Variants in KCNIP1 observed in about 807,000 individuals in gnomAD.
KCNIP1 encodes A-type potassium channel modulatory protein KCNIP1.
In KCNIP1, 18 loss-of-function variants were observed where a neutral mutation model predicts 33.0. The observed-to-expected ratio is 0.55, with a 90% CI of 0.38 to 0.81. The LOEUF (loss-of-function observed/expected upper bound fraction) is 0.81. KCNIP1 is among the 30% of genes least tolerant of loss of function. KCNIP1 has a pLI of 0.00. For missense variants in KCNIP1, 238 were observed against 271.6 expected, an observed-to-expected ratio of 0.88 and a Z score of 0.87; for synonymous variants, 93 against 98.3, an observed-to-expected ratio of 0.95 and a Z score of 0.32.
chr5:170,537,689 C>G (rs1756047049), intron 1 of KCNIP1, among the ~76,000 whole-genome samples: 1 of 152,224 alleles, frequency 6.6e-6, no homozygotes, highest in African/African-American at 2.4e-5. Flanking sequence ...GGCTCCCTCC[C>G]TGAGGGTTAT....
At chr5:170,720,300 G>C (rs202147692) in intron 2 of KCNIP1, 21 bp from the exon 3 acceptor site, 2 of 1,603,124 alleles carry the variant, frequency 1.2e-6, no homozygotes, top group East Asian at 2.2e-5. Flanking sequence ...GCCTCCCGCT[G>C]ACTCTCTCCC....
intron 5 of KCNIP1, among the ~76,000 whole-genome samples, chr5:170,730,000 A>T (rs1764140185): frequency 6.6e-6 from 1 of 152,094 alleles, no homozygotes. Flanking sequence ...AATTACAGTA[A>T]ATACATATAA....
At chr5:170,711,091 C>T (rs1204153540) in intron 1 of KCNIP1, among the ~76,000 whole-genome samples, 1 of 152,214 alleles carries the variant, frequency 6.6e-6, no homozygotes, top group Non-Finnish European at 1.5e-5. Context: ...TATGGCATCT[C>T]TTGAAAAATC....
intron 1 of KCNIP1, among the ~76,000 whole-genome samples, chr5:170,634,008 A>T (rs1451403188): frequency 6.6e-6 from 1 of 152,146 alleles, no homozygotes; most frequent in Non-Finnish European, 1.5e-5. Flanking sequence ...TGGCAGTGCC[A>T]GTGGTGAGAG....
chr5:170,390,475 T>C (rs762026099), intron 1 of KCNIP1, among the ~76,000 whole-genome samples: 162 of 131,074 alleles, frequency 1.2e-3, no homozygotes, highest in Non-Finnish European at 1.1e-3. Context: ...CACTGCACTC[T>C]AGCCTGAACA....
At chr5:170,626,339 A>G (rs1351610274) in intron 1 of KCNIP1, among the ~76,000 whole-genome samples, 2 of 152,172 alleles carry the variant, frequency 1.3e-5, no homozygotes, top group African/African-American at 2.4e-5. Flanking sequence ...GCTGGATTCA[A>G]TCCAGGACTT....
chr5:170,608,234 T>G (rs1313671877), intron 1 of KCNIP1, among the ~76,000 whole-genome samples: 1 of 152,132 alleles, frequency 6.6e-6, no homozygotes, highest in East Asian at 1.9e-4. Context: ...AAAGCAAACC[T>G]TTGCTGCTGA....
intron 1 of KCNIP1, among the ~76,000 whole-genome samples, chr5:170,437,247 T>C (rs1223515646): frequency 1.3e-5 from 2 of 152,166 alleles, no homozygotes; most frequent in East Asian, 1.9e-4. Flanking sequence ...CATGACCCAC[T>C]TGAGAATAAA....
At chr5:170,677,347 C>G (rs1351964947) in intron 1 of KCNIP1, among the ~76,000 whole-genome samples, 1 of 152,190 alleles carries the variant, frequency 6.6e-6, no homozygotes, top group Non-Finnish European at 1.5e-5. Context: ...GTGCCACACT[C>G]CCACTTACTG....
At chr5:170,387,277 G>A (rs958835027) in intron 1 of KCNIP1, among the ~76,000 whole-genome samples, 2 of 152,118 alleles carry the variant, frequency 1.3e-5, no homozygotes, top group South Asian at 4.1e-4. Flanking sequence ...TATGGTTTTT[G>A]TTTGTTTAAT....
intron 1 of KCNIP1, among the ~76,000 whole-genome samples, chr5:170,664,174 T>A (rs1561750218): frequency 6.6e-6 from 1 of 152,136 alleles, no homozygotes. Context: ...ATCAAACCAA[T>A]GGGCTCCTCT....
At chr5:170,621,251 C>T (rs1425926492) in intron 1 of KCNIP1, among the ~76,000 whole-genome samples, 1 of 152,208 alleles carries the variant, frequency 6.6e-6, no homozygotes, top group Non-Finnish European at 1.5e-5. Flanking sequence ...CCCTGTAGGC[C>T]AGTAGGCATT....
At chr5:170,488,793 T>A (rs942452379) in intron 1 of KCNIP1, among the ~76,000 whole-genome samples, 10 of 152,114 alleles carry the variant, frequency 6.6e-5, no homozygotes, top group African/African-American at 2.2e-4. Context: ...GTGTCTTGAG[T>A]GTGTGTGCTG....
chr5:170,526,990 TG>T (rs1373918584), intron 1 of KCNIP1, among the ~76,000 whole-genome samples: 1 of 152,212 alleles, frequency 6.6e-6, no homozygotes, highest in Non-Finnish European at 1.5e-5. Flanking sequence ...CCCAAAGTTC[TG>T]GGATTACAGG....
At chr5:170,472,589 TC>T (rs1293743279) in intron 1 of KCNIP1, among the ~76,000 whole-genome samples, 1 of 30,136 alleles carries the variant, frequency 3.3e-5, no homozygotes, top group Admixed American at 2.8e-4. Context: ...CCTCCCACCC[TC>T]CCCCCCAAGT....
chr5:170,417,600 T>C (rs1755363831), intron 1 of KCNIP1, among the ~76,000 whole-genome samples: 1 of 152,200 alleles, frequency 6.6e-6, no homozygotes, highest in South Asian at 2.1e-4. Context: ...CAAAACCCTC[T>C]TGTCGTCTGG....
At chr5:170,423,420 G>A (rs143619418) in intron 1 of KCNIP1, among the ~76,000 whole-genome samples, 144 of 152,042 alleles carry the variant, frequency 9.5e-4, no homozygotes, top group African/African-American at 3.3e-3. Flanking sequence ...ACCCCCTTGT[G>A]TACCTCTCTC....
At chr5:170,540,131 C>A (rs542492289) in intron 1 of KCNIP1, among the ~76,000 whole-genome samples, 3 of 152,262 alleles carry the variant, frequency 2.0e-5, no homozygotes, top group East Asian at 1.9e-4. Flanking sequence ...CCAGTATAAG[C>A]TGCTTTCCTT....
At position 170,464,507 on chromosome 5, in the gene KCNIP1, G is replaced by T. The variant is rs554285262; in HGVS notation, c.88+110543G>T. Among the ~76,000 whole-genome samples the T allele has an allele frequency of 3.9e-5, 6 of 152,286 alleles. No homozygotes were observed. The South Asian group carries it at 1.2e-3, about 32-fold the overall frequency. ...TTTCGAATCTTACTTCAAAGCTATG[G>T]CAGTGAAAACATTGAACTGAGTACG... On this transcript the variant is annotated intron_variant, in intron 1 of 7. Transcript: ENST00000377360.
Sources: allele counts gnomAD v4.1 joint callset (sites outside exome capture counted in the v4.1 genomes callset), GRCh38; gene constraint gnomAD v4.1.1; transcripts MANE v1.5; gene names NCBI Gene and HGNC (gene_info 2026-07-23, HGNC 2026-07-21).